Variants in SCFD1 observed in about 807,000 individuals in gnomAD.
SCFD1 encodes sec1 family domain containing 1, also known as sec1 family domain-containing protein 1.
Under a neutral mutation model 103.2 loss-of-function variants are expected in SCFD1, and 37 were observed. The observed-to-expected ratio is 0.36, with a 90% CI of 0.28 to 0.47. The LOEUF (loss-of-function observed/expected upper bound fraction) is 0.47. SCFD1 is among the 20% of genes least tolerant of loss of function. SCFD1 has a pLI of 1.00. For missense variants in SCFD1, 639 were observed against 761.2 expected (o/e 0.84, Z 1.89); for synonymous variants, 264 against 245.0 (o/e 1.08, Z -0.73).
At chr14:30,649,408 C>A in intron 7 of SCFD1, 120 bp from the exon 8 acceptor site, 2 of 666,466 alleles carry the variant, frequency 3.0e-6, no homozygotes, top group Non-Finnish European at 2.5e-6. Context: ...TACATAAAAT[C>A]GTGTGTAACG....
chr14:30,705,585 A>G lies in SCFD1; in HGVS notation c.1491-238A>G, dbSNP rs889487504. Among the ~76,000 whole-genome samples the G allele has an allele frequency of 3.9e-5, 6 of 152,218 alleles. No individual in the cohort carries two copies. In the East Asian group the frequency reaches 1.2e-3, roughly 29 times the overall value. ...TGGGAGGTCAAGGCTGCAGTGAGCC[A>G]TGATGGCACCACTGCATTCCAGCCT... On this transcript the variant is annotated intron_variant, in intron 17 of 24. Coordinates refer to ENST00000458591, the MANE Select transcript of SCFD1 (RefSeq NM_016106.4).
chr14:30,657,094 C>T (rs1453975827), intron 10 of SCFD1, among the ~76,000 whole-genome samples: 1 of 152,018 alleles, frequency 6.6e-6, no homozygotes, highest in Non-Finnish European at 1.5e-5. Flanking sequence ...GGTGCCTCAT[C>T]ACACCTGCCA....
At chr14:30,672,623 T>G (rs1888658977) in intron 11 of SCFD1, among the ~76,000 whole-genome samples, 1 of 152,198 alleles carries the variant, frequency 6.6e-6, no homozygotes, top group South Asian at 2.1e-4. Context: ...TAGTACAGTG[T>G]TTTCTACCTG....
chr14:30,714,360 CA>C (rs11362201), intron 19 of SCFD1, among the ~76,000 whole-genome samples: 42,642 of 96,612 alleles, frequency 0.44, 6,054 homozygotes, highest in African/African-American at 0.53. Flanking sequence ...GACTCCGTCT[CA>C]AAAAAAAAAA....
At chr14:30,718,488 G>A (rs1594758723) in intron 20 of SCFD1, among the ~76,000 whole-genome samples, 1 of 152,222 alleles carries the variant, frequency 6.6e-6, no homozygotes, top group Non-Finnish European at 1.5e-5. Flanking sequence ...TTCTTCATCT[G>A]CTAGGTGAGG....
At chr14:30,643,447 A>AC in intron 7 of SCFD1, 42 bp downstream of exon 7, 5 of 1,321,176 alleles carry the variant, frequency 3.8e-6, no homozygotes, top group Non-Finnish European at 5.5e-6. Flanking sequence ...AAAGTAAATT[A>AC]TTTAACAAGT....
In SCFD1 at chr14:30,727,305, G is replaced by A. The variant is rs180941628; in HGVS notation, c.1836+4746G>A. Among the ~76,000 whole-genome samples the A allele has an allele frequency of 2.6e-5, 4 of 152,312 alleles. No homozygotes were observed. The East Asian group carries it at 7.7e-4, about 29-fold the overall frequency. ...GTTTAATAGTTACGTGGTGGTCTGT[G>A]ACTTCGTTGTTCAACAAAATCGTTT... On this transcript the variant is annotated intron_variant, in intron 23 of 24. Transcript: ENST00000458591.
intron 1 of SCFD1, among the ~76,000 whole-genome samples, chr14:30,623,905 G>A (rs1198932363): frequency 6.6e-6 from 1 of 152,064 alleles, no homozygotes; most frequent in African/African-American, 2.4e-5. Flanking sequence ...AATGTTTTGG[G>A]AGATAACTCA....
intron 17 of SCFD1, among the ~76,000 whole-genome samples, chr14:30,704,457 A>G (rs1235454366): frequency 6.6e-6 from 1 of 152,240 alleles, no homozygotes; most frequent in Non-Finnish European, 1.5e-5. Flanking sequence ...ATTAAATCAT[A>G]TAAATATACT....
At chr14:30,706,661 A>G (rs1891490482) in intron 18 of SCFD1, among the ~76,000 whole-genome samples, 1 of 152,166 alleles carries the variant, frequency 6.6e-6, no homozygotes, top group Non-Finnish European at 1.5e-5. Context: ...CAGAGACCCC[A>G]GTGGAGTATG....
chr14:30,646,110 C>T (rs182295694), intron 7 of SCFD1, among the ~76,000 whole-genome samples: 21 of 152,226 alleles, frequency 1.4e-4, no homozygotes, highest in Admixed American at 3.9e-4. Flanking sequence ...ACTGCAACCT[C>T]CACCTCCTGG....
chr14:30,690,524 CT>C (rs1388368496), intron 14 of SCFD1, among the ~76,000 whole-genome samples: 1 of 127,760 alleles, frequency 7.8e-6, no homozygotes, highest in Non-Finnish European at 1.6e-5. Context: ...TGCGCCGTTT[CT>C]TAAGCCGGTC....
rs572638197 is a variant in SCFD1 at position 30,639,639 on chromosome 14, C to A, written c.436-138C>A. The A allele has an allele frequency of 1.9e-5, 17 of 874,590 alleles. No homozygotes were observed. In the African/African-American group the frequency reaches 2.1e-4, roughly 11 times the overall value. The allele number at this position is 874,590 out of a possible 1,614,324, so 54.2% of individuals were successfully genotyped here. On this transcript the variant is annotated intron_variant, in intron 5 of 24. Transcript: ENST00000458591. ...TCATTCTTGTTCAATTAGGCTGTTA[C>A]ACAGTACAATTTTTAGTTATTGAAT...
At chr14:30,684,436 T>C (rs1437076987) in intron 14 of SCFD1, among the ~76,000 whole-genome samples, 2 of 152,244 alleles carry the variant, frequency 1.3e-5, no homozygotes, top group Non-Finnish European at 2.9e-5. Context: ...TCTTACACAA[T>C]CTGTATATGT....
intron 6 of SCFD1, among the ~76,000 whole-genome samples, chr14:30,641,983 G>A (rs1885321674): frequency 6.6e-6 from 1 of 152,184 alleles, no homozygotes; most frequent in South Asian, 2.1e-4. Context: ...AGATAAGTAA[G>A]TCAAGGTCTT....
intron 1 of SCFD1, among the ~76,000 whole-genome samples, chr14:30,627,672 G>A (rs547410059): frequency 1.3e-5 from 2 of 150,916 alleles, no homozygotes; most frequent in South Asian, 4.2e-4. Flanking sequence ...GAACCTGGGA[G>A]GCAGAGGTTG....
At chr14:30,650,060 T>G (rs1018922664) in intron 8 of SCFD1, among the ~76,000 whole-genome samples, 4 of 152,172 alleles carry the variant, frequency 2.6e-5, no homozygotes, top group African/African-American at 9.7e-5. Context: ...ATTAGAGAAA[T>G]TATAGAATTA....
intron 10 of SCFD1, among the ~76,000 whole-genome samples, chr14:30,667,697 C>T (rs1158182596): frequency 2.0e-5 from 3 of 152,308 alleles, no homozygotes; most frequent in Admixed American, 2.0e-4. Flanking sequence ...TGATAAGCAA[C>T]TTCAGCAAAG....
intron 15 of SCFD1, among the ~76,000 whole-genome samples, chr14:30,696,835 A>C (rs556382198): frequency 6.6e-6 from 1 of 152,230 alleles, no homozygotes; most frequent in African/African-American, 2.4e-5. Flanking sequence ...CAGCAAGCCC[A>C]TGGAAGCAGA....
Sources: gnomAD v4.1 joint callset for allele counts (sites outside exome capture counted in the v4.1 genomes callset) on GRCh38, gnomAD v4.1.1 for gene constraint, MANE v1.5 for transcripts, NCBI Gene and HGNC (gene_info 2026-07-23, HGNC 2026-07-21) for gene names.